Variants in SULT6B1 observed in about 807,000 individuals in gnomAD.
The protein encoded by SULT6B1 is sulfotransferase 6B1.
SULT6B1 carries 44 observed loss-of-function variants against 37.2 expected under a neutral mutation model. The ratio of observed to expected loss-of-function variants is 1.18; its 90% CI spans 0.93 to 1.52. SULT6B1 has a LOEUF of 1.52. SULT6B1 is among the 40% of genes most tolerant of loss of function. The probability of loss-of-function intolerance (pLI) is 0.00; values close to 1 mark genes in which losing one functional copy is unlikely to be tolerated. For missense variants in SULT6B1, 450 were observed against 361.0 expected, an observed-to-expected ratio of 1.25 and a Z score of -2.00; for synonymous variants, 140 against 126.0, an observed-to-expected ratio of 1.11 and a Z score of -0.74.
At chr2:37,192,335 T>C (rs1454520120), upstream of SULT6B1, among the ~76,000 whole-genome samples, 1 of 152,174 alleles carries the variant, frequency 6.6e-6, no homozygotes, top group South Asian at 2.1e-4. Context: ...GTCAGTACTT[T>C]TTAATCTCCA....
At chr2:37,187,582 A>G in intron 1 of SULT6B1, 115 bp from the exon 2 acceptor site, 1 of 536,526 alleles carries the variant, frequency 1.9e-6, no homozygotes, top group East Asian at 3.1e-5. Flanking sequence ...CCTGATGTGT[A>G]TATTTAGTTC....
intron 3 of SULT6B1, among the ~76,000 whole-genome samples, chr2:37,182,260 T>A (rs1214370730): frequency 2.0e-5 from 3 of 151,820 alleles, no homozygotes; most frequent in Non-Finnish European, 4.4e-5. Flanking sequence ...TAAATTTTTT[T>A]TTTTTTTTTT....
chr2:37,194,573 T>C, intron 1 of SULT6B1: 1 of 373,484 alleles, frequency 2.7e-6, no homozygotes, highest in Non-Finnish European at 5.2e-6. Flanking sequence ...AGTTCCCATC[T>C]CCTTCATTGC....
At chr2:37,189,130 C>G (rs942329640), upstream of SULT6B1, among the ~76,000 whole-genome samples, 1 of 152,150 alleles carries the variant, frequency 6.6e-6, no homozygotes, top group African/African-American at 2.4e-5. Flanking sequence ...CTTAGGCACT[C>G]TCATTTACTG....
intron 5 of SULT6B1, among the ~76,000 whole-genome samples, chr2:37,172,193 G>A (rs1315909754): frequency 1.3e-5 from 2 of 151,962 alleles, no homozygotes; most frequent in Non-Finnish European, 2.9e-5. Context: ...TGGGACAACA[G>A]GTGTGTGCCA....
chr2:37,175,181 T>A lies in SULT6B1; in HGVS notation c.575A>T (p.His192Leu), dbSNP rs1676389555. ...GAACTTAACATTGTCGCCATCAAGA[T>A]GTTTGTTCCAATTGATTGCAAAATC... ...YFDFAINWNK[H>L]LDGDNVKFIL... Residue 192 changes from histidine (H) to leucine (L), a missense_variant, in exon 5 of 7, where the codon CAT (histidine) becomes CTT (leucine). His to Leu is a moderately conservative substitution (Grantham distance 99, BLOSUM62 -3). Coordinates refer to ENST00000535679, the MANE Select transcript of SULT6B1 (RefSeq NM_001367551.1). 4.4e-6 allele frequency: 7 copies of A among 1,591,810 alleles called. No homozygotes were observed. Among genetic ancestry groups the A allele is most frequent in the African/African-American group, 1.3e-5 (1 of 74,510 alleles).
intron 5 of SULT6B1, among the ~76,000 whole-genome samples, chr2:37,172,691 A>T (rs576720086): frequency 2.6e-5 from 4 of 151,858 alleles, no homozygotes; most frequent in Non-Finnish European, 4.4e-5. Flanking sequence ...TATTTTTAGT[A>T]GAAACAGGGT....
At position 37,183,439 on chromosome 2, in the gene SULT6B1, CG is replaced by C; in HGVS notation, c.387del (p.Phe129LeufsTer9). 1.9e-6 allele frequency: 3 copies of C among 1,613,788 alleles called. No individual in the cohort carries two copies. Among genetic ancestry groups the C allele is most frequent in the Non-Finnish European group, 2.5e-6 (3 of 1,179,786 alleles). Reference protein sequence around the residue: ...LHYDKLPGSIFENKAKILVIF... With the variant: ...LHYDKLPGSIXENKAKILVIF... ...AGGACACTCACCTTGGCTTTATTCT[CG>C]AAGATAGACCCAGGTAATTTGTCAT... On this transcript the variant is annotated frameshift_variant, in exon 3 of 7. Coordinates refer to ENST00000535679, the MANE Select transcript of SULT6B1 (RefSeq NM_001367551.1). LOFTEE classifies it high-confidence loss of function.
intron 3 of SULT6B1, among the ~76,000 whole-genome samples, chr2:37,182,624 C>A (rs1418441189): frequency 6.6e-6 from 1 of 152,040 alleles, no homozygotes; most frequent in Non-Finnish European, 1.5e-5. Flanking sequence ...TCACCGCACC[C>A]TGCAGGGAGT....
At chr2:37,187,687 T>C (rs1676704258) in intron 1 of SULT6B1, among the ~76,000 whole-genome samples, 1 of 152,232 alleles carries the variant, frequency 6.6e-6, no homozygotes, top group Admixed American at 6.5e-5. Context: ...TGAGAACAGA[T>C]GGCTCCTTTA....
At chr2:37,194,057 A>C (rs1355785742) in intron 1 of SULT6B1, among the ~76,000 whole-genome samples, 3 of 152,140 alleles carry the variant, frequency 2.0e-5, no homozygotes, top group Admixed American at 6.6e-5. Context: ...TTTCTATACA[A>C]TTATTTTAGT....
intron 4 of SULT6B1, 120 bp downstream of exon 4, chr2:37,179,338 A>T (rs1422629009): frequency 7.8e-7 from 1 of 1,278,506 alleles, no homozygotes; most frequent in Non-Finnish European, 1.1e-6. Context: ...CATTTAAATG[A>T]AACTTTTTGG....
chr2:37,186,897 A>T (rs78406545), intron 2 of SULT6B1, among the ~76,000 whole-genome samples: 3,532 of 152,266 alleles, frequency 0.023, 66 homozygotes, highest in Middle Eastern at 0.054. Context: ...CTCCATTTCA[A>T]ATAGAAATCA....
chr2:37,178,482 C>T (rs957400882), intron 4 of SULT6B1, among the ~76,000 whole-genome samples: 5 of 152,122 alleles, frequency 3.3e-5, no homozygotes, highest in South Asian at 2.1e-4. Flanking sequence ...GTCATCCGCC[C>T]GCCTCGGCCT....
intron 6 of SULT6B1, 67 bp downstream of exon 6, chr2:37,171,367 G>T (rs916883772): frequency 3.9e-6 from 6 of 1,532,896 alleles, no homozygotes; most frequent in Non-Finnish European, 5.3e-6. Flanking sequence ...GAAGTTATTT[G>T]GATTACCTGT....
chr2:37,177,411 C>CAAAAAAAAAAAAAAAAAAA (rs57205863), intron 4 of SULT6B1, among the ~76,000 whole-genome samples: 13 of 76,280 alleles, frequency 1.7e-4, no homozygotes, highest in Non-Finnish European at 2.4e-4. Context: ...AATCTTGTCT[C>CAAAAAAAAAAAAAAAAAAA]AAAAAAAAAA....
chr2:37,183,381 T>C (rs747210333), intron 3 of SULT6B1, 44 bp downstream of exon 3: 3 of 1,476,586 alleles, frequency 2.0e-6, no homozygotes, highest in South Asian at 2.3e-5. Flanking sequence ...CTAATATCTA[T>C]ACATAGAAAT....
At chr2:37,171,377 T>C in intron 6 of SULT6B1, 57 bp downstream of exon 6, 1 of 1,562,912 alleles carries the variant, frequency 6.4e-7, no homozygotes, top group Non-Finnish European at 8.7e-7. Flanking sequence ...GGATTACCTG[T>C]TGTGTGCAAA....
chr2:37,169,900 C>T (rs1401305858), intron 6 of SULT6B1, among the ~76,000 whole-genome samples: 3 of 152,142 alleles, frequency 2.0e-5, no homozygotes, highest in Admixed American at 6.6e-5. Context: ...TATGTGCTAC[C>T]TCTACATCTC....
Sources: gnomAD v4.1 joint callset for allele counts (sites outside exome capture counted in the v4.1 genomes callset) on GRCh38, gnomAD v4.1.1 for gene constraint, MANE v1.5 for transcripts, NCBI Gene and HGNC (gene_info 2026-07-23, HGNC 2026-07-21) for gene names.